The following PNPLA8 variants were observed in gnomAD, a reference collection of about 807,000 sequenced individuals.
PNPLA8 encodes patatin like domain 8, phospholipase A2.
A neutral mutation model predicts 76.9 loss-of-function variants in PNPLA8; 39 were observed. The ratio of observed to expected loss-of-function variants is 0.51; its 90% CI spans 0.39 to 0.66. The LOEUF (loss-of-function observed/expected upper bound fraction) is 0.66, where lower values mean the gene tolerates loss of function less well. PNPLA8 is among the 30% of genes least tolerant of loss of function. The pLI is 0.00. For missense variants in PNPLA8, 887 were observed against 918.0 expected (o/e 0.97, Z 0.44); for synonymous variants, 301 against 307.9 (o/e 0.98, Z 0.24).
intron 8 of PNPLA8, among the ~76,000 whole-genome samples, chr7:108,490,066 T>C (rs566675453): frequency 6.6e-6 from 1 of 152,366 alleles, no homozygotes; most frequent in South Asian, 2.1e-4. Context: ...TTCTATGCTG[T>C]ATTTTTCACT....
rs548148756 is a variant in PNPLA8, at chr7:108,497,393, G to A, written c.1453+90C>T. 162 of 853,956 alleles carry A rather than the reference G, an allele frequency of 1.9e-4. No individual in the cohort carries two copies. In the African/African-American group the frequency reaches 2.7e-3, roughly 14 times the overall value. The allele number at this position is 853,956 out of a possible 1,614,324, so 52.9% of individuals were successfully genotyped here. ...GGGTATGGAGAGAGGGCTGAAGAAG[G>A]CAAAGGACTATGATCTTAAACATAA... On this transcript the variant is annotated intron_variant, in intron 6 of 10. Coordinates refer to ENST00000257694, the MANE Select transcript of PNPLA8 (RefSeq NM_001256007.3).
At chr7:108,509,435 A>G in intron 4 of PNPLA8, among the ~76,000 whole-genome samples, 1 of 149,864 alleles carries the variant, frequency 6.7e-6, no homozygotes, top group Non-Finnish European at 1.5e-5. Flanking sequence ...AATGCTCATC[A>G]TCACTGGCCA....
chr7:108,472,882 A>G (rs1859723650), intron 10 of PNPLA8, among the ~76,000 whole-genome samples: 1 of 152,212 alleles, frequency 6.6e-6, no homozygotes, highest in African/African-American at 2.4e-5. Context: ...AAAATACATT[A>G]TTCTGTGAAA....
chr7:108,482,763 A>C (rs1860487318), intron 9 of PNPLA8, among the ~76,000 whole-genome samples: 1 of 152,032 alleles, frequency 6.6e-6, no homozygotes, highest in Non-Finnish European at 1.5e-5. Flanking sequence ...AATTTTTTGG[A>C]TCTACTGTAA....
Position 108,505,327 on chromosome 7 carries a change from TATATATATATATATATATATATA to T in PNPLA8, c.1207-2708_1207-2686del, listed in dbSNP as rs1391328400. On this transcript the variant is annotated intron_variant, in intron 4 of 10. Transcript: ENST00000257694. ...ATATATATATATATATATATATATA[TATATATATATATATATATATATA>T]TATTTTTTTTTTTTTTTTTTTTTTT... Among the ~76,000 whole-genome samples the T allele has an allele frequency of 7.0e-3, 65 of 9,340 alleles. 2 individuals are homozygous for T. The highest frequency in any genetic ancestry group is 0.013 in the African/African-American group (26 of 2,034). The allele number at this position is 9,340 out of a possible 152,430, so 6.1% of individuals were successfully genotyped here. A position where few individuals can be genotyped will look rare whatever the true frequency, so the allele number is the denominator to read the frequency against.
Position 108,510,435 on chromosome 7 carries a change from T to C in PNPLA8, c.1206+3709A>G, listed in dbSNP as rs1032386896. ...TATAGGCAGATGTACAGAACTGAAA[T>C]TCGAATGGCGAGGATGGCAAGAAAA... is the stretch of plus-strand genomic sequence containing the variant. On this transcript the variant is annotated intron_variant, in intron 4 of 10. Coordinates refer to ENST00000257694, the MANE Select transcript of PNPLA8 (RefSeq NM_001256007.3). 7.2e-5 allele frequency: 107 copies of C among 1,485,846 alleles called. No individual in the cohort carries two copies. In the African/African-American group the frequency reaches 1.4e-3, roughly 20 times the overall value. The allele number at this position is 1,485,846 out of a possible 1,614,324, so 92.0% of individuals were successfully genotyped here.
rs551893503 is a variant in PNPLA8 at position 108,478,525 on chromosome 7, G to A, written c.2074+659C>T. ...CCTGCCTCAGCCTTCCAAGGAGCTG[G>A]AATTACAGGTGCACACTACCATGCC... On this transcript the variant is annotated intron_variant, in intron 10 of 10. Coordinates refer to ENST00000257694, the MANE Select transcript of PNPLA8 (RefSeq NM_001256007.3). Among the ~76,000 whole-genome samples, 153 of 152,206 alleles carry A rather than the reference G, an allele frequency of 1.0e-3. 2 individuals carry two copies. Among genetic ancestry groups the A allele is most frequent in the African/African-American group, 3.4e-3 (140 of 41,512 alleles).
At position 108,514,134 on chromosome 7, in the gene PNPLA8, TA is replaced by T. The variant is rs1218222240; in HGVS notation, c.1206+9del. On this transcript the variant is annotated intron_variant, in intron 4 of 10. Transcript: ENST00000257694. ...CAAGACAAAACTAGATTAAATAAAT[TA>T]GAAATTACCTTGACAGCCACTCCTT... 1 of 1,571,572 alleles carries T rather than the reference TA, an allele frequency of 6.4e-7. No homozygotes were observed.
intron 9 of PNPLA8, among the ~76,000 whole-genome samples, chr7:108,486,219 T>C (rs377732548): frequency 6.6e-6 from 1 of 152,102 alleles, no homozygotes; most frequent in Non-Finnish European, 1.5e-5. Flanking sequence ...TCCCCAAATG[T>C]AATTATTTAG....
chr7:108,493,690 T>C (rs1861363670), intron 7 of PNPLA8, among the ~76,000 whole-genome samples: 1 of 149,032 alleles, frequency 6.7e-6, no homozygotes, highest in African/African-American at 2.5e-5. Context: ...TAACATACAA[T>C]GATAATGGAT....
chr7:108,506,353 GGACAACAGAGC>G (rs1862423173), intron 4 of PNPLA8, among the ~76,000 whole-genome samples: 1 of 151,982 alleles, frequency 6.6e-6, no homozygotes, highest in Non-Finnish European at 1.5e-5. Flanking sequence ...ACTCCAGCCT[GGACAACAGAGC>G]GACACTCAGT....
At position 108,514,850 on chromosome 7, in the gene PNPLA8, A is replaced by G; in HGVS notation, c.642T>C (p.Tyr214=). Residue 214 remains tyrosine (Y), a synonymous_variant, in exon 3 of 11, where the codon TAT becomes TAC. Coordinates refer to ENST00000257694, the MANE Select transcript of PNPLA8 (RefSeq NM_001256007.3). Reference sequence around the variant, plus strand: ...GAGACATTTTTTCCTTACGTTTGAAATATGAATTAATATGATTTGATAAAA... The same window carrying G: ...GAGACATTTTTTCCTTACGTTTGAAGTATGAATTAATATGATTTGATAAAA... The part of the protein sequence containing the change: ...FYFLSNHINS[Y]FKRKEKMSQQ... The G allele has an allele frequency of 6.2e-7, 1 of 1,610,532 alleles. No homozygotes were observed. The highest frequency in any genetic ancestry group is 8.5e-7 in the Non-Finnish European group (1 of 1,177,254).
At chr7:108,496,411 T>A in intron 7 of PNPLA8, 173 bp downstream of exon 7, 2 of 461,438 alleles carry the variant, frequency 4.3e-6, no homozygotes, top group South Asian at 8.0e-5. Context: ...TAAACTATGA[T>A]TCACCAAAAT....
At chr7:108,497,384 C>CT in intron 6 of PNPLA8, 99 bp downstream of exon 6, 1 of 777,624 alleles carries the variant, frequency 1.3e-6, no homozygotes, top group Admixed American at 2.9e-5. Flanking sequence ...GGAGAGAGGG[C>CT]TGAAGAAGGC....
chr7:108,485,297 A>C (rs934322106), intron 9 of PNPLA8, among the ~76,000 whole-genome samples: 1 of 152,178 alleles, frequency 6.6e-6, no homozygotes, highest in Non-Finnish European at 1.5e-5. Context: ...CTACTCACAA[A>C]GAATTCTTCT....
At chr7:108,513,511 C>T (rs78048263) in intron 4 of PNPLA8, among the ~76,000 whole-genome samples, 2,699 of 152,028 alleles carry the variant, frequency 0.018, 89 homozygotes, top group African/African-American at 0.061. Flanking sequence ...CAGTATCTAT[C>T]ATTATGATAT....
At chr7:108,489,628 T>A (rs1179810676) in intron 8 of PNPLA8, among the ~76,000 whole-genome samples, 2 of 152,248 alleles carry the variant, frequency 1.3e-5, no homozygotes, top group African/African-American at 4.8e-5. Flanking sequence ...GAACCCCATG[T>A]CTGCATTTGC....
Position 108,487,628 on chromosome 7 carries a change from CTTT to C in PNPLA8, c.1878+128_1878+130del, listed in dbSNP as rs1860834699. On this transcript the variant is annotated intron_variant, in intron 9 of 10. Coordinates refer to ENST00000257694, the MANE Select transcript of PNPLA8 (RefSeq NM_001256007.3). ...AATAAAAATATCCTAAATTGTTCTT[CTTT>C]TGAGATATGAAGACACAAAGAAGAA... 3 of 484,388 alleles carry C rather than the reference CTTT, an allele frequency of 6.2e-6. No homozygotes were observed. In the East Asian group the frequency reaches 9.7e-5, roughly 16 times the overall value. 30.0% of individuals were successfully genotyped at this position (484,388 alleles called of 1,614,324 possible). A position where few individuals can be genotyped will look rare whatever the true frequency, so the allele number is the denominator to read the frequency against.
chr7:108,515,523 C>T lies in PNPLA8; in HGVS notation c.-32G>A. The T allele has an allele frequency of 7.3e-7, 1 of 1,361,064 alleles. No individual in the cohort carries two copies. The highest frequency in any genetic ancestry group is 1.5e-5 in the African/African-American group (1 of 68,432). 84.3% of individuals were successfully genotyped at this position (1,361,064 alleles called of 1,614,324 possible). ...AAAATCATTTATTTTCTATGACATT[C>T]TCTCACTTCTTGAACGCTTCATTTA... On this transcript the variant is annotated 5_prime_UTR_variant, in exon 3 of 11. Coordinates refer to ENST00000257694, the MANE Select transcript of PNPLA8 (RefSeq NM_001256007.3).
Sources: allele counts gnomAD v4.1 joint callset (sites outside exome capture counted in the v4.1 genomes callset), GRCh38; gene constraint gnomAD v4.1.1; transcripts MANE v1.5; gene names NCBI Gene and HGNC (gene_info 2026-07-23, HGNC 2026-07-21).